Variants in PIEZO2 observed in about 807,000 individuals in gnomAD.
The protein encoded by PIEZO2 is piezo-type mechanosensitive ion channel component 2.
In PIEZO2, 172 loss-of-function variants were observed where a neutral mutation model predicts 337.3. The ratio of observed to expected loss-of-function variants is 0.51; its 90% CI spans 0.45 to 0.58. The LOEUF is 0.58. Among genes scored for constraint, PIEZO2 ranks in the 20% least tolerant of loss-of-function variants. The pLI is 0.00. For synonymous variants in PIEZO2, 1,251 were observed against 1,228.5 expected (o/e 1.02, Z -0.38); for missense variants, 3,028 against 3,391.3 (o/e 0.89, Z 2.66).
intron 53 of PIEZO2, among the ~76,000 whole-genome samples, chr18:10,675,727 A>T (rs2156620): frequency 0.24 from 36,531 of 152,056 alleles, 4,835 homozygotes; most frequent in Non-Finnish European, 0.3. Context: ...CTCATCTTGA[A>T]TTGTAGCTCC....
intron 4 of PIEZO2, among the ~76,000 whole-genome samples, chr18:10,907,840 G>T (rs991430028): frequency 2.6e-5 from 4 of 152,164 alleles, no homozygotes; most frequent in African/African-American, 9.7e-5. Flanking sequence ...CATTTGATAG[G>T]CACAGATTCT....
chr18:10,878,772 T>C lies in PIEZO2; in HGVS notation c.330-7357A>G, dbSNP rs2042333426. Among the ~76,000 whole-genome samples the C allele has an allele frequency of 6.9e-6, 1 of 144,498 alleles. No homozygotes were observed. The highest frequency in any genetic ancestry group is 2.8e-5 in the African/African-American group (1 of 35,178). 94.8% of individuals were successfully genotyped at this position (144,498 alleles called of 152,430 possible). A position where few individuals can be genotyped will look rare whatever the true frequency, so the allele number is the denominator to read the frequency against. On this transcript the variant is annotated intron_variant, in intron 4 of 55. Transcript: ENST00000674853. This position sits in a 1 kb window ranked among gnomAD's most constrained non-coding sequence, Gnocchi z 4.3. ...GGGTAAGGTCAGACCATACAAAGCT[T>C]GGATGTTTTGAAAAAAAAAAAAAAT...
In PIEZO2 at chr18:11,008,119, A is replaced by AT. The variant is rs1050039013; in HGVS notation, c.161-28460dup. Among the ~76,000 whole-genome samples the AT allele has an allele frequency of 6.6e-5, 10 of 152,182 alleles. 1 individual carries two copies. In the South Asian group the frequency reaches 1.0e-3, roughly 16 times the overall value. On this transcript the variant is annotated intron_variant, in intron 2 of 55. Transcript: ENST00000674853. ...CATAAGCCTGGGAATCCTTTTACCA[A>AT]TTTTTTTCCCATCAATCACTTGGTG...
In PIEZO2 at chr18:11,021,609, G is replaced by T. The variant is rs2036314583; in HGVS notation, c.161-41949C>A. On this transcript the variant is annotated intron_variant, in intron 2 of 55. Transcript: ENST00000674853. The surrounding 1 kb of genome is among the most constrained non-coding windows in gnomAD (Gnocchi z 4.7). ...ATCGTGAATGAAAACCACCAAGTGGGGTTCCTGGGGGACTTTGAGTCTCAC... is the reference window on the plus strand; with the variant it reads ...ATCGTGAATGAAAACCACCAAGTGGTGTTCCTGGGGGACTTTGAGTCTCAC... Among the ~76,000 whole-genome samples, 1 of 152,132 alleles carries T rather than the reference G, an allele frequency of 6.6e-6. No individual in the cohort carries two copies. Among genetic ancestry groups the T allele is most frequent in the African/African-American group, 2.4e-5 (1 of 41,424 alleles).
rs567185227 is a variant in PIEZO2, at chr18:10,707,489, C to A, written c.5588+786G>T. ...ATGCCCTCTGACTTGCCACCATGAG[C>A]AGTCAAAACGAAACTTGTCTTGGAT... is the stretch of plus-strand genomic sequence containing the variant. On this transcript the variant is annotated intron_variant, in intron 40 of 55. Transcript: ENST00000674853. This position sits in a 1 kb window ranked among gnomAD's most constrained non-coding sequence, Gnocchi z 4.2. Among the ~76,000 whole-genome samples the A allele has an allele frequency of 1.1e-3, 175 of 152,236 alleles. No individual in the cohort carries two copies. Among genetic ancestry groups the A allele is most frequent in the Middle Eastern group, 3.4e-3 (1 of 294 alleles).
At chr18:10,968,002 T>C (rs2034082372) in intron 3 of PIEZO2, among the ~76,000 whole-genome samples, 1 of 152,202 alleles carries the variant, frequency 6.6e-6, no homozygotes, top group African/African-American at 2.4e-5. Context: ...CATTTGCTTT[T>C]GGGTTCTTGG....
Position 11,148,627 on chromosome 18 carries a change from C to T in PIEZO2, c.-39G>A, listed in dbSNP as rs1226117235. 7.2e-6 allele frequency: 11 copies of T among 1,535,302 alleles called. No homozygotes were observed. Among genetic ancestry groups the T allele is most frequent in the Non-Finnish European group, 9.6e-6 (11 of 1,145,610 alleles). On this transcript the variant is annotated 5_prime_UTR_variant, in exon 1 of 56. Coordinates refer to ENST00000674853, the MANE Select transcript of PIEZO2 (RefSeq NM_001378183.1). This position sits in a 1 kb window ranked among gnomAD's most constrained non-coding sequence, Gnocchi z 5.2. ...CGAGTCGGAGCAGAGGGGCGAGGCT[C>T]GAGGGTCCCTAGGGGTGGTGGGACG...
At position 10,854,966 on chromosome 18, in the gene PIEZO2, G is replaced by A. The variant is rs919882486; in HGVS notation, c.917+387C>T. Among the ~76,000 whole-genome samples, 2 of 152,068 alleles carry A rather than the reference G, an allele frequency of 1.3e-5. No homozygotes were observed. The highest frequency in any genetic ancestry group is 2.9e-5 in the Non-Finnish European group (2 of 68,014). ...TTTACAATTAGTTAATGTTTCTGACGCTTAATTTGTTCTCGTATATTAGGC... is the reference window on the plus strand; with the variant it reads ...TTTACAATTAGTTAATGTTTCTGACACTTAATTTGTTCTCGTATATTAGGC... On this transcript the variant is annotated intron_variant, in intron 7 of 55. Transcript: ENST00000674853. The surrounding 1 kb of genome is among the most constrained non-coding windows in gnomAD (Gnocchi z 4.6).
At chr18:10,789,018 G>A in intron 15 of PIEZO2, 61 bp downstream of exon 15, 1 of 1,456,662 alleles carries the variant, frequency 6.9e-7, no homozygotes, top group African/African-American at 1.4e-5. Context: ...TCTCTGCAGA[G>A]GTAGCTCATG....
In PIEZO2 at chr18:10,677,069, G is replaced by A. The variant is rs971761245; in HGVS notation, c.8081+678C>T. 3.3e-5 allele frequency among the ~76,000 whole-genome samples: 5 copies of A among 152,138 alleles called. No homozygotes were observed. Among genetic ancestry groups the A allele is most frequent in the African/African-American group, 1.2e-4 (5 of 41,428 alleles). ...TGCCCCAAAATGGGTCCCAATAGCT[G>A]AGGGAGACAGCCACTCTGCAGACTG... is the stretch of plus-strand genomic sequence containing the variant. On this transcript the variant is annotated intron_variant, in intron 53 of 55. Coordinates refer to ENST00000674853, the MANE Select transcript of PIEZO2 (RefSeq NM_001378183.1). This position sits in a 1 kb window ranked among gnomAD's most constrained non-coding sequence, Gnocchi z 4.1.
chr18:11,115,073 A>G (rs547138974), intron 1 of PIEZO2, among the ~76,000 whole-genome samples: 20 of 152,274 alleles, frequency 1.3e-4, no homozygotes, highest in African/African-American at 4.3e-4. Context: ...AGGTTGCTCT[A>G]TTGTCTTCTA....
chr18:10,675,311 T>C (rs1270709034), intron 53 of PIEZO2, 23 bp from the exon 54 acceptor site: 9 of 1,377,758 alleles, frequency 6.5e-6, no homozygotes, highest in Non-Finnish European at 8.8e-6. Context: ...AAAAAAAAGA[T>C]ACAATTACGT....
intron 24 of PIEZO2, 139 bp downstream of exon 24, chr18:10,760,772 A>C (rs1450072776): frequency 2.8e-5 from 21 of 763,448 alleles, no homozygotes. Context: ...CCATCAGTAC[A>C]AATACTTTCT....
Position 11,080,758 on chromosome 18 carries a change from C to T in PIEZO2, c.65-14536G>A, listed in dbSNP as rs558196235. 7.5e-4 allele frequency among the ~76,000 whole-genome samples: 114 copies of T among 152,280 alleles called. No homozygotes were observed. The highest frequency in any genetic ancestry group is 2.4e-3 in the African/African-American group (101 of 41,566). ...ACTTGAGAGGCTGAGGCAGGAGAAT[C>T]GCTTGAACTCGGGAGGCGGAGGTCA... On this transcript the variant is annotated intron_variant, in intron 1 of 55. Transcript: ENST00000674853. This position sits in a 1 kb window ranked among gnomAD's most constrained non-coding sequence, Gnocchi z 5.4.
Position 10,702,714 on chromosome 18 carries a change from T to C in PIEZO2, c.6259-543A>G, listed in dbSNP as rs192806803. Reference sequence around the variant, plus strand: ...ATTTGCTTTCTATTCATCTTTGTATTCTGGTGCGTAGCAGGGTTCTTGGTT... The same window carrying C: ...ATTTGCTTTCTATTCATCTTTGTATCCTGGTGCGTAGCAGGGTTCTTGGTT... On this transcript the variant is annotated intron_variant, in intron 42 of 55. Transcript: ENST00000674853. 8.2e-4 allele frequency among the ~76,000 whole-genome samples: 125 copies of C among 152,360 alleles called. 1 individual carries two copies. Among genetic ancestry groups the C allele is most frequent in the Admixed American group, 2.0e-3 (31 of 15,310 alleles).
At chr18:11,088,622 T>C (rs2038980270) in intron 1 of PIEZO2, among the ~76,000 whole-genome samples, 1 of 152,226 alleles carries the variant, frequency 6.6e-6, no homozygotes, top group Non-Finnish European at 1.5e-5. Flanking sequence ...TTCCCTTAAA[T>C]TGTGGGACTG....
chr18:10,712,525 A>C (rs1200308452), intron 39 of PIEZO2, among the ~76,000 whole-genome samples: 1 of 152,262 alleles, frequency 6.6e-6, no homozygotes, highest in African/African-American at 2.4e-5. Context: ...AGTAAAAATA[A>C]AATTCAAAAT....
intron 7 of PIEZO2, among the ~76,000 whole-genome samples, chr18:10,844,557 G>A (rs919838924): frequency 6.6e-5 from 10 of 151,726 alleles, no homozygotes; most frequent in African/African-American, 1.9e-4. Context: ...GGGAGGCCGA[G>A]GTGGGTGGAT....
At position 10,731,177 on chromosome 18, in the gene PIEZO2, T is replaced by TATATATATATATA. The variant is rs1555633703; in HGVS notation, c.5029+229_5029+230insTATATATATATAT. ...CTCTCCTTTTTTCCTACTTAAAAGA[T>TATATATATATATA]TATATATATATATATATATATATAT... On this transcript the variant is annotated intron_variant, in intron 36 of 55. Transcript: ENST00000674853. Among the ~76,000 whole-genome samples, 10 of 35,234 alleles carry TATATATATATATA rather than the reference T, an allele frequency of 2.8e-4. 2 individuals are homozygous for TATATATATATATA. The highest frequency in any genetic ancestry group is 1.4e-3 in the East Asian group (1 of 694). The allele number at this position is 35,234 out of a possible 152,430, so 23.1% of individuals were successfully genotyped here. A position where few individuals can be genotyped will look rare whatever the true frequency, so the allele number is the denominator to read the frequency against.
Sources: gnomAD v4.1 joint callset for allele counts (sites outside exome capture counted in the v4.1 genomes callset) on GRCh38, gnomAD v4.1.1 for gene constraint, Gnocchi (gnomAD v3.1) non-coding constraint, MANE v1.5 for transcripts, NCBI Gene and HGNC (gene_info 2026-07-23, HGNC 2026-07-21) for gene names.